Variants in MGAM observed in about 807,000 individuals in gnomAD.
The protein encoded by MGAM is maltase-glucoamylase.
In MGAM, 253 loss-of-function variants were observed where a neutral mutation model predicts 358.8. That is an observed-to-expected ratio of 0.71 (90% CI 0.64 to 0.78). MGAM has a LOEUF of 0.78. Ranked by LOEUF, MGAM falls within the 30% of genes least tolerant of loss-of-function variation. The pLI, the probability that MGAM is intolerant of heterozygous loss-of-function variation, is 0.00. For missense variants in MGAM, 3,080 were observed against 3,432.6 expected, an observed-to-expected ratio of 0.90 and a Z score of 2.57; for synonymous variants, 1,105 against 1,227.1, an observed-to-expected ratio of 0.90 and a Z score of 2.08.
chr7:142,059,046 C>T (rs1447780589), intron 31 of MGAM, among the ~76,000 whole-genome samples: 1 of 152,174 alleles, frequency 6.6e-6, no homozygotes, highest in Non-Finnish European at 1.5e-5. Context: ...AGCAACTATA[C>T]ATCTTTGCTT....
At chr7:141,989,562 T>G (rs1803854648) in intron 2 of MGAM, among the ~76,000 whole-genome samples, 1 of 151,878 alleles carries the variant, frequency 6.6e-6, no homozygotes, top group Non-Finnish European at 1.5e-5. Flanking sequence ...TTTTTTTTTT[T>G]TTCGATTATT....
intron 21 of MGAM, among the ~76,000 whole-genome samples, chr7:142,044,385 A>G (rs181476311): frequency 2.7e-5 from 3 of 111,766 alleles, no homozygotes; most frequent in African/African-American, 8.0e-5. Flanking sequence ...TGAATATTAT[A>G]TACACATACG....
intron 63 of MGAM, 23 bp from the exon 64 acceptor site, chr7:142,095,542 A>G (rs1815823576): frequency 7.4e-6 from 12 of 1,612,132 alleles, no homozygotes; most frequent in Non-Finnish European, 9.3e-6. Flanking sequence ...CAAGCTCCCA[A>G]CACTGTTCTC....
chr7:142,043,842 A>G (rs200741282), intron 21 of MGAM, among the ~76,000 whole-genome samples: 4 of 69,492 alleles, frequency 5.8e-5, no homozygotes, highest in Admixed American at 4.4e-4. Flanking sequence ...CATTATATAC[A>G]CATACGACGT....
Position 142,054,835 on chromosome 7 carries a change from C to G in MGAM, c.3241C>G (p.Gln1081Glu), listed in dbSNP as rs201314573. The change falls in exon 27 of 71, where the codon CAA becomes GAA. Residue 1081 changes from glutamine to glutamate, a missense_variant. Physicochemically the swap from Gln to Glu is conservative, Grantham distance 29. Coordinates refer to ENST00000475668, the MANE Select transcript of MGAM (RefSeq NM_001365693.1). Reference sequence around the variant, plus strand: ...CATGCCATCCAGCACCCCTGAGGGTCAACTCTATGATGTGCTCATTAAGAA... The same window carrying G: ...CATGCCATCCAGCACCCCTGAGGGTGAACTCTATGATGTGCTCATTAAGAA... ...PSMPSSTPEG[Q>E]LYDVLIKKNP... The G allele has an allele frequency of 3.9e-5, 63 of 1,613,828 alleles. No individual in the cohort carries two copies. In the Middle Eastern group the frequency reaches 4.9e-4, roughly 13 times the overall value.
chr7:142,094,844 A>G lies in MGAM; in HGVS notation c.7439A>G (p.His2480Arg). The change falls in exon 63 of 71, where the codon CAC (histidine) becomes CGC (arginine). Residue 2480 changes from histidine to arginine, a missense_variant. By Grantham distance (29) the His-to-Arg change is conservative (BLOSUM62 0). This residue lies in a region of MGAM where 932 missense variants were observed against 1,198.2 expected (regional missense o/e 0.78). Coordinates refer to ENST00000475668, the MANE Select transcript of MGAM (RefSeq NM_001365693.1). ...GCCTTTTACCCCTTCTCAAGAAACC[A>G]CAACACCATTGGGACCAGGGTAGGA... ...LGAFYPFSRN[H>R]NTIGTRRQDP... 1 of 1,613,956 alleles carries G rather than the reference A, an allele frequency of 6.2e-7. No individual in the cohort carries two copies. The highest frequency in any genetic ancestry group is 8.5e-7 in the Non-Finnish European group (1 of 1,179,884).
In MGAM at chr7:142,040,802, C is replaced by T. The variant is rs1356824760; in HGVS notation, c.2454C>T (p.Gly818=). 1.2e-6 allele frequency: 2 copies of T among 1,613,028 alleles called. No homozygotes were observed. Among genetic ancestry groups the T allele is most frequent in the Non-Finnish European group, 1.7e-6 (2 of 1,179,432 alleles). ...GDKIGLHLRG[G]YIFPTQQPNT... Reference sequence around the variant, plus strand: ...AAATTGGACTTCACCTTCGAGGAGGCTACATCTTCCCCACACAGCAGCCAA... The same window carrying T: ...AAATTGGACTTCACCTTCGAGGAGGTTACATCTTCCCCACACAGCAGCCAA... Residue 818 remains glycine, a synonymous_variant, in exon 21 of 71, where the codon GGC becomes GGT. Coordinates refer to ENST00000475668, the MANE Select transcript of MGAM (RefSeq NM_001365693.1).
intron 34 of MGAM, among the ~76,000 whole-genome samples, chr7:142,061,656 C>A (rs537362562): frequency 1.1e-4 from 17 of 152,260 alleles, no homozygotes; most frequent in African/African-American, 4.1e-4. Flanking sequence ...TTCTTTAGCT[C>A]TTTCACTCTT....
chr7:142,056,158 A>G, intron 29 of MGAM, 62 bp downstream of exon 29: 5 of 1,486,860 alleles, frequency 3.4e-6, no homozygotes, highest in Non-Finnish European at 4.6e-6. Flanking sequence ...GTCAATTTAC[A>G]ATGTGTTTAG....
intron 6 of MGAM, 143 bp from the exon 7 acceptor site, chr7:142,022,125 T>C (rs1554459092): frequency 1.3e-6 from 1 of 767,510 alleles, no homozygotes; most frequent in Non-Finnish European, 2.0e-6. Context: ...TTGTTTTCCA[T>C]AGAAAAATGT....
intron 67 of MGAM, 111 bp downstream of exon 67, chr7:142,099,848 A>T: frequency 6.9e-7 from 1 of 1,440,086 alleles, no homozygotes; most frequent in South Asian, 1.4e-5. Context: ...ATTCTACTCA[A>T]CACTTGTTTT....
intron 68 of MGAM, 126 bp downstream of exon 68, chr7:142,101,016 A>G (rs1816393880): frequency 7.2e-6 from 6 of 829,300 alleles, no homozygotes; most frequent in Non-Finnish European, 1.1e-5. Flanking sequence ...TCATTTGTTA[A>G]TTCAAGGGTA....
intron 57 of MGAM, among the ~76,000 whole-genome samples, chr7:142,090,874 A>C (rs1815321264): frequency 6.8e-6 from 1 of 146,486 alleles, no homozygotes; most frequent in Non-Finnish European, 1.5e-5. Context: ...TTCTAAGCTA[A>C]GCATTGTGCA....
chr7:142,077,710 T>G (rs1813854941), intron 47 of MGAM, among the ~76,000 whole-genome samples: 1 of 145,688 alleles, frequency 6.9e-6, no homozygotes, highest in Non-Finnish European at 1.6e-5. Flanking sequence ...CTGATGTGAT[T>G]ATTATTCATT....
chr7:142,024,342 A>G (rs1554460133), intron 7 of MGAM, among the ~76,000 whole-genome samples: 1 of 151,382 alleles, frequency 6.6e-6, no homozygotes, highest in Admixed American at 6.6e-5. Flanking sequence ...TGAGCCTGGG[A>G]GGTGGAGGTT....
At chr7:142,001,063 T>A (rs531537459) in intron 1 of MGAM, among the ~76,000 whole-genome samples, 1 of 152,234 alleles carries the variant, frequency 6.6e-6, no homozygotes, top group African/African-American at 2.4e-5. Flanking sequence ...ATTAGTTAAT[T>A]TAATTATACC....
intron 35 of MGAM, among the ~76,000 whole-genome samples, chr7:142,063,113 G>A (rs138733741): frequency 2.2e-4 from 33 of 152,198 alleles, no homozygotes; most frequent in African/African-American, 7.0e-4. Context: ...GAGGAGAATC[G>A]CTTGAACATA....
rs1484299323 is a variant in MGAM, at chr7:142,044,887, C to G, written c.2499-2898C>G. 1.2e-4 allele frequency among the ~76,000 whole-genome samples: 8 copies of G among 66,124 alleles called. 3 individuals are homozygous for G. The highest frequency in any genetic ancestry group is 2.3e-4 in the Non-Finnish European group (8 of 34,492). 43.4% of individuals were successfully genotyped at this position (66,124 alleles called of 152,430 possible). A position where few individuals can be genotyped will look rare whatever the true frequency, so the allele number is the denominator to read the frequency against. On this transcript the variant is annotated intron_variant, in intron 21 of 70. Transcript: ENST00000475668. Reference sequence around the variant, plus strand: ...TGATATATAATGTATATTACATACACGTGTAATATATGATATATAATGTAT... The same window carrying G: ...TGATATATAATGTATATTACATACAGGTGTAATATATGATATATAATGTAT...
intron 18 of MGAM, among the ~76,000 whole-genome samples, 167 bp from the exon 19 acceptor site, chr7:142,038,364 A>G (rs1287886943): frequency 6.6e-6 from 1 of 152,154 alleles, no homozygotes; most frequent in East Asian, 1.9e-4. Flanking sequence ...GGGAAGGGGA[A>G]TCTGTCTAGG....
Sources: allele counts gnomAD v4.1 joint callset (sites outside exome capture counted in the v4.1 genomes callset), GRCh38; gene constraint gnomAD v4.1.1; regional missense constraint gnomAD v4.1.1; transcripts MANE v1.5; gene names NCBI Gene and HGNC (gene_info 2026-07-23, HGNC 2026-07-21).